Variants in LRP6 observed in about 807,000 individuals in gnomAD.
The protein encoded by LRP6 is LDL receptor related protein 6.
Under a neutral mutation model 184.1 loss-of-function variants are expected in LRP6, and 43 were observed. That is an observed-to-expected ratio of 0.23 (90% CI 0.18 to 0.30). LRP6 has a LOEUF of 0.30. Ranked by LOEUF, LRP6 falls within the 10% of genes least tolerant of loss-of-function variation. The probability of loss-of-function intolerance (pLI) is 1.00; values close to 1 mark genes in which losing one functional copy is unlikely to be tolerated. For synonymous variants in LRP6, 719 were observed against 684.9 expected, an observed-to-expected ratio of 1.05 and a Z score of -0.78; for missense variants, 1,571 against 2,005.3, an observed-to-expected ratio of 0.78 and a Z score of 4.14.
chr12:12,148,473 T>C (rs1220311385), intron 14 of LRP6, among the ~76,000 whole-genome samples: 2 of 152,174 alleles, frequency 1.3e-5, no homozygotes, highest in Non-Finnish European at 2.9e-5. Flanking sequence ...AAGCTCTTTA[T>C]TAAATGAAAG....
chr12:12,257,679 T>C (rs1407123437), intron 1 of LRP6, among the ~76,000 whole-genome samples: 1 of 136,326 alleles, frequency 7.3e-6, no homozygotes, highest in Non-Finnish European at 1.5e-5. Flanking sequence ...TGGTGGCTCA[T>C]GCCTGTAATC....
At chr12:12,210,773 G>T (rs1239608704) in intron 2 of LRP6, 9 of 152,188 alleles carry the variant, frequency 5.9e-5, no homozygotes, top group Non-Finnish European at 1.3e-4. Flanking sequence ...AATTGAAAAT[G>T]CAGCCAGTGA....
At chr12:12,184,925 A>T (rs1014610681) in intron 4 of LRP6, among the ~76,000 whole-genome samples, 4 of 152,230 alleles carry the variant, frequency 2.6e-5, no homozygotes, top group Non-Finnish European at 4.4e-5. Flanking sequence ...CATGAAAGAT[A>T]AAAGTAACCA....
At chr12:12,256,384 C>A (rs1311342306) in intron 1 of LRP6, among the ~76,000 whole-genome samples, 1 of 151,776 alleles carries the variant, frequency 6.6e-6, no homozygotes. Flanking sequence ...ATGGTGAAAC[C>A]CCATCTCTAT....
Position 12,121,157 on chromosome 12 carries a change from G to C in LRP6, c.4811C>G (p.Pro1604Arg). The C allele has an allele frequency of 1.9e-6, 3 of 1,613,254 alleles. No individual in the cohort carries two copies. Among genetic ancestry groups the C allele is most frequent in the Non-Finnish European group, 2.5e-6 (3 of 1,179,706 alleles). ...ERSYSHHLYP[P>R]PPSPCTDSS ...GGAGTCTGTACAGGGAGAGGGTGGC[G>C]GTGGGTAGAGGTGATGAGAATAGCT... The change falls in exon 23 of 23, where the codon CCG becomes CGG. Residue 1604 changes from proline to arginine, a missense_variant. By Grantham distance (103) the Pro-to-Arg change is moderately radical. This residue lies in a region of LRP6 where 763 missense variants were observed against 859.5 expected (regional missense o/e 0.89). Transcript: ENST00000261349.
At chr12:12,189,789 C>G (rs1304550975) in intron 3 of LRP6, among the ~76,000 whole-genome samples, 1 of 152,220 alleles carries the variant, frequency 6.6e-6, no homozygotes, top group African/African-American at 2.4e-5. Context: ...GCGTGAGCCA[C>G]CGAGCCCGGC....
chr12:12,233,943 G>A (rs1864862014), intron 2 of LRP6, among the ~76,000 whole-genome samples: 1 of 151,964 alleles, frequency 6.6e-6, no homozygotes, highest in Admixed American at 6.6e-5. Context: ...ACTATGCACT[G>A]GCAAAAAACA....
chr12:12,116,295 T>C lies in LRP6; in HGVS notation c.*4831A>G, dbSNP rs1949519343. 6.6e-6 allele frequency: 1 copy of C among 152,108 alleles called. No individual in the cohort carries two copies. Among genetic ancestry groups the C allele is most frequent in the Non-Finnish European group, 1.5e-5 (1 of 68,012 alleles). 9.4% of individuals were successfully genotyped at this position (152,108 alleles called of 1,614,324 possible). ...GTTGACTTTAAGACAATGACGAAGA[T>C]TAAAGCTTAAGGGAAAAAAATAAAA... On this transcript the variant is annotated 3_prime_UTR_variant, in exon 23 of 23. Transcript: ENST00000261349.
chr12:12,154,272 C>T (rs909565035), intron 12 of LRP6, among the ~76,000 whole-genome samples: 4 of 152,120 alleles, frequency 2.6e-5, no homozygotes, highest in African/African-American at 4.8e-5. Flanking sequence ...TCCCAGTATC[C>T]GCATAGCTCA....
chr12:12,155,456 A>G, intron 12 of LRP6: 1 of 962,296 alleles, frequency 1.0e-6, no homozygotes, highest in Non-Finnish European at 1.7e-6. Flanking sequence ...AAGGGTCTAC[A>G]ATGTTACCCA....
intron 2 of LRP6, among the ~76,000 whole-genome samples, chr12:12,220,702 G>C (rs938718172): frequency 6.6e-6 from 1 of 151,056 alleles, no homozygotes; most frequent in Non-Finnish European, 1.5e-5. Context: ...GGGCTCAAGC[G>C]ATCCTCTCAC....
chr12:12,232,381 C>T (rs1352466224), intron 2 of LRP6, among the ~76,000 whole-genome samples: 1 of 146,148 alleles, frequency 6.8e-6, no homozygotes, highest in South Asian at 2.2e-4. Flanking sequence ...GAGACGCTGT[C>T]TCAAAAAAAA....
At chr12:12,183,013 T>G (rs1337093674) in intron 5 of LRP6, among the ~76,000 whole-genome samples, 1 of 152,248 alleles carries the variant, frequency 6.6e-6, no homozygotes, top group African/African-American at 2.4e-5. Flanking sequence ...ACCTTTTGTT[T>G]TAAATTGAAA....
intron 18 of LRP6, among the ~76,000 whole-genome samples, chr12:12,131,097 A>AT (rs35705276): frequency 0.044 from 3,449 of 78,186 alleles, 433 homozygotes; most frequent in Admixed American, 0.076. Flanking sequence ...ATTTCCTAAC[A>AT]TTTTTTTTTT....
intron 3 of LRP6, among the ~76,000 whole-genome samples, chr12:12,194,399 G>T (rs1039235080): frequency 9.9e-5 from 15 of 151,974 alleles, no homozygotes; most frequent in African/African-American, 3.6e-4. Context: ...GAATCACCCA[G>T]ACGACTTCAA....
In LRP6 at chr12:12,266,935, T is replaced by G; in HGVS notation, c.-200A>C. On this transcript the variant is annotated 5_prime_UTR_variant, in exon 1 of 23. Transcript: ENST00000261349. ...TCTACCGCGCCGCTCGGCCCCGGGC[T>G]CGCGCGACGCCAGCGTCTGCTTCCA... is the stretch of plus-strand genomic sequence containing the variant. The G allele has an allele frequency of 1.7e-6, 1 of 583,964 alleles. No individual in the cohort carries two copies. The highest frequency in any genetic ancestry group is 3.0e-6 in the Non-Finnish European group (1 of 331,950). 36.2% of individuals were successfully genotyped at this position (583,964 alleles called of 1,614,324 possible).
chr12:12,230,672 T>C (rs779178122), intron 2 of LRP6, among the ~76,000 whole-genome samples: 1 of 152,174 alleles, frequency 6.6e-6, no homozygotes, highest in Non-Finnish European at 1.5e-5. Context: ...GAATAGACAA[T>C]ATTTTAAAAC....
At chr12:12,266,602 T>G (rs1302284276) in intron 1 of LRP6, 79 bp downstream of exon 1, 10 of 670,406 alleles carry the variant, frequency 1.5e-5, no homozygotes, top group Non-Finnish European at 2.4e-5. Context: ...CCTCCGTCCC[T>G]CCCCTCCCCC....
At chr12:12,212,779 C>T (rs897557210) in intron 2 of LRP6, among the ~76,000 whole-genome samples, 1 of 152,002 alleles carries the variant, frequency 6.6e-6, no homozygotes, top group Non-Finnish European at 1.5e-5. Context: ...AAATTTATTT[C>T]AGTCATGCTC....
Sources: allele counts gnomAD v4.1 joint callset (sites outside exome capture counted in the v4.1 genomes callset), GRCh38; gene constraint gnomAD v4.1.1; regional missense constraint gnomAD v4.1.1; transcripts MANE v1.5; gene names NCBI Gene and HGNC (gene_info 2026-07-23, HGNC 2026-07-21).